ROBO2: variants seen among roughly 807,000 people sequenced by gnomAD.
ROBO2 encodes the protein roundabout guidance receptor 2, also known as roundabout homolog 2.
Under a neutral mutation model 160.8 loss-of-function variants are expected in ROBO2, and 53 were observed. The observed-to-expected ratio is 0.33, with a 90% CI of 0.26 to 0.41. The LOEUF (loss-of-function observed/expected upper bound fraction) is 0.41. Ranked by LOEUF, ROBO2 falls within the 10% of genes least tolerant of loss-of-function variation. The pLI, the probability that ROBO2 is intolerant of heterozygous loss-of-function variation, is 1.00. For synonymous variants in ROBO2, 664 were observed against 611.7 expected (o/e 1.09, Z -1.26); for missense variants, 1,577 against 1,722.4 (o/e 0.92, Z 1.49).
intron 2 of ROBO2, among the ~76,000 whole-genome samples, chr3:77,122,648 AC>A: frequency 6.6e-6 from 1 of 152,304 alleles, no homozygotes; most frequent in South Asian, 2.1e-4. Context: ...CCCGTCAAAC[AC>A]CTTTTTTTAA....
intron 2 of ROBO2, among the ~76,000 whole-genome samples, chr3:76,746,200 A>G (rs1474619288): frequency 6.6e-6 from 1 of 151,984 alleles, no homozygotes; most frequent in African/African-American, 2.4e-5. Flanking sequence ...TCCATGCTGT[A>G]TATGTGCCAC....
intron 2 of ROBO2, among the ~76,000 whole-genome samples, chr3:76,562,844 A>G (rs1467823570): frequency 6.6e-6 from 1 of 152,126 alleles, no homozygotes. Flanking sequence ...ATGAATATAT[A>G]TTGTTAATGG....
At chr3:76,836,914 C>T (rs141965154) in intron 2 of ROBO2, among the ~76,000 whole-genome samples, 92 of 151,894 alleles carry the variant, frequency 6.1e-4, no homozygotes, top group African/African-American at 2.2e-3. Context: ...GATGACGTTA[C>T]TTGCATCTTA....
At chr3:77,543,362 A>G (rs931979560) in intron 6 of ROBO2, among the ~76,000 whole-genome samples, 15 of 152,136 alleles carry the variant, frequency 9.9e-5, no homozygotes, top group African/African-American at 1.4e-4. Flanking sequence ...ATGTATCATC[A>G]TTTTTCGTCA....
intron 2 of ROBO2, among the ~76,000 whole-genome samples, chr3:76,995,383 C>T (rs992801684): frequency 7.9e-5 from 12 of 152,156 alleles, no homozygotes; most frequent in Admixed American, 1.3e-4. Flanking sequence ...CAAGTCTTTG[C>T]TATTGTGAAT....
At chr3:76,941,917 G>T (rs974799796) in intron 2 of ROBO2, among the ~76,000 whole-genome samples, 2 of 152,104 alleles carry the variant, frequency 1.3e-5, no homozygotes, top group Admixed American at 6.5e-5. Context: ...ATCTGATTAA[G>T]AAAGTGAATT....
At chr3:76,600,681 C>T (rs139073126) in intron 2 of ROBO2, among the ~76,000 whole-genome samples, 230 of 152,266 alleles carry the variant, frequency 1.5e-3, no homozygotes, top group African/African-American at 4.5e-3. Flanking sequence ...ATTCCTCCCA[C>T]GACACGTGGG....
At chr3:76,839,271 T>C (rs1266409796) in intron 2 of ROBO2, among the ~76,000 whole-genome samples, 1 of 152,200 alleles carries the variant, frequency 6.6e-6, no homozygotes. Context: ...ATAAGCACTG[T>C]TGACATTCAG....
At chr3:77,331,659 A>G (rs139928073) in intron 2 of ROBO2, among the ~76,000 whole-genome samples, 2,269 of 152,066 alleles carry the variant, frequency 0.015, 23 homozygotes, top group Middle Eastern at 0.031. Context: ...GGTTACTACC[A>G]CTGTTTTTAC....
intron 2 of ROBO2, among the ~76,000 whole-genome samples, chr3:76,666,038 A>G (rs2092032046): frequency 7.1e-6 from 1 of 141,098 alleles, no homozygotes; most frequent in Admixed American, 7.4e-5. Flanking sequence ...TATATTATAT[A>G]TATACTAGAT....
At chr3:76,628,430 T>C (rs2089809750) in intron 2 of ROBO2, among the ~76,000 whole-genome samples, 1 of 120,148 alleles carries the variant, frequency 8.3e-6, no homozygotes, top group African/African-American at 3.2e-5. Context: ...CACTAATTTT[T>C]AGGTTTTTTT....
rs970958244 is a variant in ROBO2, at chr3:77,580,204, A to G, written c.2500+86A>G. 7 of 1,196,638 alleles carry G rather than the reference A, an allele frequency of 5.8e-6. No homozygotes were observed. The Admixed American group carries it at 1.0e-4, about 18-fold the overall frequency. 74.1% of individuals were successfully genotyped at this position (1,196,638 alleles called of 1,614,324 possible). ...ATTTTGCATCAACCTACTAATAGTG[A>G]ATATACACTTATGAATGATAGGGTA... On this transcript the variant is annotated intron_variant, in intron 16 of 25. Transcript: ENST00000461745.
rs370966248 is a variant in ROBO2 at position 76,685,210 on chromosome 3, T to TTTTG, written c.110-412804_110-412803insTTTG. Among the ~76,000 whole-genome samples the TTTTG allele has an allele frequency of 5.4e-4, 75 of 139,798 alleles. 1 individual carries two copies. Among genetic ancestry groups the TTTTG allele is most frequent in the Middle Eastern group, 7.7e-3 (2 of 260 alleles). 91.7% of individuals were successfully genotyped at this position (139,798 alleles called of 152,430 possible). On this transcript the variant is annotated intron_variant, in intron 2 of 26. Transcript: ENST00000487694. ...TGGTTGTGTTTTTTTTTTTTTTTTT[T>TTTTG]CCAGTAATTTCAGCTTAATGAGTAC... is the stretch of plus-strand genomic sequence containing the variant.
intron 2 of ROBO2, among the ~76,000 whole-genome samples, chr3:76,225,500 A>T (rs1384433544): frequency 6.6e-6 from 1 of 152,180 alleles, no homozygotes; most frequent in Non-Finnish European, 1.5e-5. Context: ...AAATTGCTTC[A>T]GCCCAGGAGT....
chr3:77,196,168 G>A (rs902260278), intron 2 of ROBO2, among the ~76,000 whole-genome samples: 4 of 152,152 alleles, frequency 2.6e-5, no homozygotes, highest in South Asian at 2.1e-4. Context: ...CAGGTAGCGC[G>A]GTGCTCACCA....
At chr3:77,562,455 G>A (rs1045651582) in intron 9 of ROBO2, among the ~76,000 whole-genome samples, 196 bp from the exon 11 acceptor site, 1 of 151,858 alleles carries the variant, frequency 6.6e-6, no homozygotes, top group African/African-American at 2.4e-5. Context: ...AAAGCCCTTT[G>A]GACCAATGTT....
intron 2 of ROBO2, among the ~76,000 whole-genome samples, chr3:76,543,980 C>G (rs1001287413): frequency 6.6e-6 from 1 of 151,912 alleles, no homozygotes; most frequent in African/African-American, 2.4e-5. Flanking sequence ...TGAATACATG[C>G]TCTTCATTTT....
chr3:76,254,376 T>C (rs1162169113), intron 2 of ROBO2, among the ~76,000 whole-genome samples: 3 of 152,104 alleles, frequency 2.0e-5, no homozygotes, highest in Non-Finnish European at 4.4e-5. Context: ...ATTTCTTGTT[T>C]ATATGATCAA....
intron 2 of ROBO2, among the ~76,000 whole-genome samples, chr3:76,515,425 G>C (rs1222714286): frequency 1.3e-5 from 2 of 151,658 alleles, no homozygotes; most frequent in African/African-American, 4.8e-5. Context: ...AAAGAAACTG[G>C]AATATAGTAC....
Sources: gnomAD v4.1 joint callset for allele counts (sites outside exome capture counted in the v4.1 genomes callset) on GRCh38, gnomAD v4.1.1 for gene constraint, MANE v1.5 for transcripts, NCBI Gene and HGNC (gene_info 2026-07-23, HGNC 2026-07-21) for gene names.